Variants in SGCZ observed in about 807,000 individuals in gnomAD.
SGCZ encodes the protein sarcoglycan zeta, also known as zeta-sarcoglycan.
In SGCZ, 40 loss-of-function variants were observed where a neutral mutation model predicts 41.3. That is an observed-to-expected ratio of 0.97 (90% CI 0.75 to 1.26). The LOEUF (loss-of-function observed/expected upper bound fraction) is 1.26. Ranked by LOEUF, SGCZ falls within the 50% of genes most tolerant of loss-of-function variation. The pLI is 0.00. For synonymous variants in SGCZ, 206 were observed against 137.5 expected, an observed-to-expected ratio of 1.50 and a Z score of -3.49; for missense variants, 552 against 369.8, an observed-to-expected ratio of 1.49 and a Z score of -4.04.
intron 1 of SGCZ, among the ~76,000 whole-genome samples, chr8:14,832,643 C>A (rs1802571249): frequency 6.6e-6 from 1 of 152,114 alleles, no homozygotes; most frequent in Non-Finnish European, 1.5e-5. Flanking sequence ...GAAAGGGTGT[C>A]TGCAGTTCTG....
intron 1 of SGCZ, among the ~76,000 whole-genome samples, chr8:15,047,369 G>A (rs142701326): frequency 6.6e-6 from 1 of 151,946 alleles, no homozygotes; most frequent in Non-Finnish European, 1.5e-5. Context: ...CTGTCCTTGA[G>A]GGAAATCACT....
chr8:14,866,799 G>C (rs1003039588), intron 1 of SGCZ, among the ~76,000 whole-genome samples: 2 of 151,352 alleles, frequency 1.3e-5, no homozygotes, highest in Admixed American at 6.6e-5. Context: ...GTCTCAAAAA[G>C]AAACTAAAAG....
intron 1 of SGCZ, among the ~76,000 whole-genome samples, chr8:14,795,383 G>C (rs1429159520): frequency 2.0e-5 from 3 of 152,034 alleles, no homozygotes; most frequent in Non-Finnish European, 4.4e-5. Flanking sequence ...TCTTCTGAGG[G>C]AGAAAATACA....
chr8:14,752,326 A>G (rs1799525767), intron 1 of SGCZ, among the ~76,000 whole-genome samples: 1 of 152,182 alleles, frequency 6.6e-6, no homozygotes, highest in African/African-American at 2.4e-5. Flanking sequence ...TTATAAATGC[A>G]ATTAGAAATA....
At chr8:14,970,625 C>T (rs1168421662) in intron 1 of SGCZ, among the ~76,000 whole-genome samples, 1 of 152,044 alleles carries the variant, frequency 6.6e-6, no homozygotes, top group Non-Finnish European at 1.5e-5. Context: ...ATGTGTGCAC[C>T]TATTTCTTGA....
At position 14,206,206 on chromosome 8, in the gene SGCZ, T is replaced by C. The variant is rs950966653; in HGVS notation, c.424+31386A>G. ...TATAGTATGATCTAAAAACAACTTT[T>C]ACTCCTTTGCCATATACTATCATTA... On this transcript the variant is annotated intron_variant, in intron 4 of 7. Transcript: ENST00000382080. Among the ~76,000 whole-genome samples, 4 of 152,154 alleles carry C rather than the reference T, an allele frequency of 2.6e-5. No homozygotes were observed. In the South Asian group the frequency reaches 8.3e-4, roughly 31 times the overall value.
chr8:14,271,135 C>T (rs7463570), intron 3 of SGCZ, among the ~76,000 whole-genome samples: 21,745 of 151,494 alleles, frequency 0.14, 1,726 homozygotes, highest in Admixed American at 0.21. Flanking sequence ...CAATATGGCA[C>T]ATGTATACAT....
intron 2 of SGCZ, among the ~76,000 whole-genome samples, chr8:14,409,100 G>C (rs1441295309): frequency 6.6e-6 from 1 of 152,016 alleles, no homozygotes; most frequent in Non-Finnish European, 1.5e-5. Context: ...TTCTCAGTAA[G>C]TGTAGGATTA....
At chr8:14,303,838 A>C (rs1801269051) in intron 3 of SGCZ, among the ~76,000 whole-genome samples, 1 of 152,112 alleles carries the variant, frequency 6.6e-6, no homozygotes, top group South Asian at 2.1e-4. Flanking sequence ...TGCAACCTCC[A>C]TTCCCTGGGA....
At chr8:14,150,945 T>C (rs1803688528) in intron 5 of SGCZ, among the ~76,000 whole-genome samples, 1 of 152,166 alleles carries the variant, frequency 6.6e-6, no homozygotes, top group Admixed American at 6.5e-5. Context: ...CATCACATGT[T>C]CTCACTTATT....
rs538477988 is a variant in SGCZ at position 14,642,094 on chromosome 8, T to C, written c.40-87168A>G. Among the ~76,000 whole-genome samples the C allele has an allele frequency of 1.4e-3, 219 of 151,720 alleles. 1 individual carries two copies. The highest frequency in any genetic ancestry group is 3.0e-4 in the Non-Finnish European group (20 of 67,732). ...AATTCACCTGGAAGTATTTTACTAA[T>C]GGAAAAGCACCAGGAGTCTCAGAGC... is the stretch of plus-strand genomic sequence containing the variant. On this transcript the variant is annotated intron_variant, in intron 1 of 7. Coordinates refer to ENST00000382080, the MANE Select transcript of SGCZ (RefSeq NM_139167.4).
intron 1 of SGCZ, among the ~76,000 whole-genome samples, chr8:15,053,330 T>C (rs571061702): frequency 6.6e-6 from 1 of 151,908 alleles, no homozygotes; most frequent in Non-Finnish European, 1.5e-5. Context: ...TATATCTTAC[T>C]AGATAAAGAA....
intron 4 of SGCZ, among the ~76,000 whole-genome samples, chr8:14,188,012 G>A (rs1804961090): frequency 6.6e-6 from 1 of 152,028 alleles, no homozygotes; most frequent in Non-Finnish European, 1.5e-5. Context: ...CAGAAACAAT[G>A]GAGAGGAAGT....
intron 1 of SGCZ, among the ~76,000 whole-genome samples, chr8:14,747,206 A>C (rs1228398825): frequency 6.6e-6 from 1 of 152,216 alleles, no homozygotes; most frequent in East Asian, 1.9e-4. Flanking sequence ...CCGTGTTAGG[A>C]CCACAGACAC....
intron 1 of SGCZ, among the ~76,000 whole-genome samples, chr8:15,009,845 T>C (rs564981587): frequency 3.3e-5 from 5 of 152,362 alleles, no homozygotes; most frequent in African/African-American, 9.6e-5. Flanking sequence ...AAAATAATTT[T>C]AATAATGTGT....
chr8:14,144,474 T>A (rs983953556), intron 5 of SGCZ, among the ~76,000 whole-genome samples: 1 of 152,138 alleles, frequency 6.6e-6, no homozygotes, highest in Non-Finnish European at 1.5e-5. Flanking sequence ...CCAGTAGCAA[T>A]ACCCAGGAAC....
intron 1 of SGCZ, among the ~76,000 whole-genome samples, chr8:14,603,431 C>T (rs1296050571): frequency 2.0e-5 from 3 of 151,600 alleles, no homozygotes; most frequent in Non-Finnish European, 4.4e-5. Flanking sequence ...ATTTTCTATG[C>T]CTTTCATCTA....
At chr8:14,999,538 T>C (rs1251277731) in intron 1 of SGCZ, among the ~76,000 whole-genome samples, 1 of 152,132 alleles carries the variant, frequency 6.6e-6, no homozygotes, top group Admixed American at 6.5e-5. Flanking sequence ...CAATACTTAT[T>C]AGGGTCGAGA....
At chr8:15,209,425 A>G (rs1182423947) in intron 1 of SGCZ, among the ~76,000 whole-genome samples, 1 of 147,732 alleles carries the variant, frequency 6.8e-6, no homozygotes. Context: ...TCTTTCATTT[A>G]TTTTTATGGC....
Sources: allele counts gnomAD v4.1 joint callset (sites outside exome capture counted in the v4.1 genomes callset), GRCh38; gene constraint gnomAD v4.1.1; transcripts MANE v1.5; gene names NCBI Gene and HGNC (gene_info 2026-07-23, HGNC 2026-07-21).